Variants in GMDS observed in about 807,000 individuals in gnomAD.
The protein encoded by GMDS is GDP-mannose 4,6-dehydratase, also known as GDP-mannose 4,6 dehydratase.
A neutral mutation model predicts 49.9 loss-of-function variants in GMDS; 20 were observed. That is an observed-to-expected ratio of 0.40 (90% CI 0.28 to 0.58). The LOEUF (loss-of-function observed/expected upper bound fraction) is 0.58. Ranked by LOEUF, GMDS falls within the 20% of genes least tolerant of loss-of-function variation. The pLI is 0.42. For missense variants in GMDS, 362 were observed against 481.4 expected (o/e 0.75, Z 2.32); for synonymous variants, 177 against 178.6 (o/e 0.99, Z 0.07).
intron 6 of GMDS, among the ~76,000 whole-genome samples, chr6:1,953,401 A>C (rs1287884275): frequency 1.3e-5 from 2 of 152,248 alleles, no homozygotes; most frequent in African/African-American, 4.8e-5. Context: ...AATCAGGGAT[A>C]ATCTAATCAT....
chr6:2,062,447 T>G (rs1487839219), intron 4 of GMDS, among the ~76,000 whole-genome samples: 1 of 152,118 alleles, frequency 6.6e-6, no homozygotes, highest in Non-Finnish European at 1.5e-5. Context: ...TCCCATACAC[T>G]TAAGATCACT....
intron 1 of GMDS, among the ~76,000 whole-genome samples, chr6:2,239,072 T>C (rs944318520): frequency 6.6e-6 from 1 of 152,162 alleles, no homozygotes; most frequent in Non-Finnish European, 1.5e-5. Context: ...CTCACGCCTA[T>C]AATCCCAGCA....
intron 1 of GMDS, among the ~76,000 whole-genome samples, chr6:2,140,071 C>A (rs1052236133): frequency 6.6e-6 from 1 of 152,174 alleles, no homozygotes; most frequent in Non-Finnish European, 1.5e-5. Context: ...AAGACACAGC[C>A]ACATCCTCAC....
intron 6 of GMDS, among the ~76,000 whole-genome samples, chr6:1,955,057 GAC>G (rs933139479): frequency 4.6e-5 from 7 of 151,752 alleles, no homozygotes; most frequent in Admixed American, 4.6e-4. Flanking sequence ...CTCAAAATGC[GAC>G]ACAGAGACAG....
chr6:1,913,635 T>TTA (rs1424627522), intron 7 of GMDS, among the ~76,000 whole-genome samples: 1 of 152,164 alleles, frequency 6.6e-6, no homozygotes, highest in Admixed American at 6.5e-5. Context: ...CTTGGAAACT[T>TTA]TAGACTTGAA....
chr6:2,108,844 G>C (rs1356039824), intron 4 of GMDS, among the ~76,000 whole-genome samples: 1 of 152,150 alleles, frequency 6.6e-6, no homozygotes, highest in East Asian at 1.9e-4. Flanking sequence ...CGCACGTCCA[G>C]GTGGGCACCT....
At chr6:2,236,739 AT>A (rs922752522) in intron 1 of GMDS, among the ~76,000 whole-genome samples, 1 of 152,236 alleles carries the variant, frequency 6.6e-6, no homozygotes, top group African/African-American at 2.4e-5. Context: ...TCATGTTTTG[AT>A]TTTAAAAGAT....
chr6:1,812,738 G>A (rs921428966), intron 7 of GMDS, among the ~76,000 whole-genome samples: 14 of 152,246 alleles, frequency 9.2e-5, no homozygotes, highest in African/African-American at 2.9e-4. Flanking sequence ...ATTTGTTAGT[G>A]TAAATTCTCA....
chr6:2,182,718 G>A (rs1057059936), intron 1 of GMDS, among the ~76,000 whole-genome samples: 3 of 152,124 alleles, frequency 2.0e-5, no homozygotes, highest in Non-Finnish European at 2.9e-5. Context: ...AGATTTACTT[G>A]TCTTTGAGAC....
chr6:1,960,638 T>C (rs928517290), intron 5 of GMDS, 136 bp downstream of exon 5: 4 of 547,086 alleles, frequency 7.3e-6, no homozygotes, highest in African/African-American at 3.7e-5. Context: ...TCAGTCACTT[T>C]AGTCTACCTT....
intron 4 of GMDS, among the ~76,000 whole-genome samples, chr6:2,065,363 C>A (rs575071153): frequency 6.6e-6 from 1 of 152,184 alleles, no homozygotes; most frequent in Admixed American, 6.5e-5. Flanking sequence ...AAAAGCAGAG[C>A]GCCTCTCCTC....
At chr6:2,051,339 G>A (rs1328410959) in intron 4 of GMDS, among the ~76,000 whole-genome samples, 3 of 152,298 alleles carry the variant, frequency 2.0e-5, no homozygotes, top group African/African-American at 4.8e-5. Flanking sequence ...AGCAGCAGTA[G>A]AAAACATAGA....
At chr6:1,670,796 C>T (rs1297899079) in intron 9 of GMDS, among the ~76,000 whole-genome samples, 15 of 152,206 alleles carry the variant, frequency 9.9e-5, no homozygotes, top group Admixed American at 9.8e-4. Context: ...ACGTTGAAGT[C>T]ATCTGCAGGT....
chr6:1,777,078 T>C (rs1341902471), intron 7 of GMDS, among the ~76,000 whole-genome samples: 2 of 152,240 alleles, frequency 1.3e-5, no homozygotes, highest in African/African-American at 4.8e-5. Flanking sequence ...CCCTGTAAAA[T>C]TTGGCATAAT....
At chr6:1,919,295 C>T (rs1761590389) in intron 7 of GMDS, among the ~76,000 whole-genome samples, 1 of 152,132 alleles carries the variant, frequency 6.6e-6, no homozygotes, top group South Asian at 2.1e-4. Context: ...ACCATTCTCT[C>T]TATGAGAAAA....
chr6:1,756,695 T>C (rs1003727659), intron 7 of GMDS, among the ~76,000 whole-genome samples: 3 of 152,332 alleles, frequency 2.0e-5, no homozygotes, highest in Middle Eastern at 3.4e-3. Flanking sequence ...GGGGCCAAGA[T>C]GGCCTCCCTC....
intron 4 of GMDS, among the ~76,000 whole-genome samples, chr6:1,973,151 T>A (rs1764712084): frequency 6.6e-6 from 1 of 152,200 alleles, no homozygotes; most frequent in Non-Finnish European, 1.5e-5. Context: ...CCTAAAAGCA[T>A]CATTGCTACA....
chr6:1,782,299 A>G (rs1769127465), intron 7 of GMDS, among the ~76,000 whole-genome samples: 1 of 152,226 alleles, frequency 6.6e-6, no homozygotes, highest in Non-Finnish European at 1.5e-5. Flanking sequence ...GTACTGTAGG[A>G]GTCACTGTTT....
chr6:1,728,067 A>G (rs1020689166), intron 8 of GMDS, among the ~76,000 whole-genome samples: 2 of 152,218 alleles, frequency 1.3e-5, no homozygotes, highest in Non-Finnish European at 2.9e-5. Context: ...TTTTTGGAAA[A>G]TTCACCGGGA....
Sources: allele counts gnomAD v4.1 joint callset (sites outside exome capture counted in the v4.1 genomes callset), GRCh38; gene constraint gnomAD v4.1.1; transcripts MANE v1.5; gene names NCBI Gene and HGNC (gene_info 2026-07-23, HGNC 2026-07-21).